The following DGKG variants were observed in gnomAD, a reference collection of about 807,000 sequenced individuals.
The protein encoded by DGKG is DAG kinase gamma.
DGKG carries 78 observed loss-of-function variants against 105.3 expected under a neutral mutation model. The observed-to-expected ratio is 0.74, with a 90% confidence interval of 0.62 to 0.89. The LOEUF is 0.89. Among genes scored for constraint, DGKG ranks in the 40% least tolerant of loss-of-function variants. The probability of loss-of-function intolerance (pLI) is 0.00; values close to 1 mark genes in which losing one functional copy is unlikely to be tolerated. For synonymous variants in DGKG, 346 were observed against 367.1 expected, an observed-to-expected ratio of 0.94 and a Z score of 0.66; for missense variants, 958 against 1,020.1, an observed-to-expected ratio of 0.94 and a Z score of 0.83.
chr3:186,314,284 T>C (rs923358191), intron 2 of DGKG, among the ~76,000 whole-genome samples: 5 of 152,026 alleles, frequency 3.3e-5, no homozygotes, highest in African/African-American at 1.2e-4. Context: ...TTGTTGTTGC[T>C]GAATTGAAGC....
chr3:186,186,848 G>A (rs1348355588), intron 22 of DGKG, among the ~76,000 whole-genome samples: 1 of 152,208 alleles, frequency 6.6e-6, no homozygotes, highest in Non-Finnish European at 1.5e-5. Context: ...TTTTGGGGCT[G>A]GGGTAGAGGT....
At chr3:186,222,795 C>T (rs545603163) in intron 20 of DGKG, among the ~76,000 whole-genome samples, 102 of 151,268 alleles carry the variant, frequency 6.7e-4, no homozygotes, top group African/African-American at 2.3e-3. Flanking sequence ...CTGGCCAATA[C>T]GGTGACACCC....
intron 24 of DGKG, chr3:186,160,268 T>G (rs1716231014): frequency 2.0e-6 from 2 of 985,284 alleles, no homozygotes; most frequent in Non-Finnish European, 2.4e-6. Context: ...CTTGAATTTA[T>G]AGGAATAGCA....
chr3:186,294,850 G>A (rs1293577362), intron 5 of DGKG, among the ~76,000 whole-genome samples: 2 of 152,174 alleles, frequency 1.3e-5, no homozygotes, highest in African/African-American at 4.8e-5. Flanking sequence ...GCAGGGCATG[G>A]ACGAGCCAGC....
intron 2 of DGKG, among the ~76,000 whole-genome samples, chr3:186,310,391 G>C (rs1160756006): frequency 6.6e-6 from 1 of 151,620 alleles, no homozygotes; most frequent in African/African-American, 2.4e-5. Context: ...GGCTTTCATA[G>C]GATTATAGTA....
chr3:186,163,899 G>A (rs1265506700), intron 23 of DGKG, among the ~76,000 whole-genome samples: 1 of 152,078 alleles, frequency 6.6e-6, no homozygotes, highest in Non-Finnish European at 1.5e-5. Context: ...ACCCCATCAT[G>A]ACAACAGCTC....
chr3:186,316,694 A>T (rs1304166315), intron 2 of DGKG, among the ~76,000 whole-genome samples: 3 of 152,214 alleles, frequency 2.0e-5, no homozygotes, highest in African/African-American at 7.2e-5. Context: ...CACCCTATAG[A>T]AGGTCACCAG....
chr3:186,180,361 C>T (rs995630498), intron 22 of DGKG, among the ~76,000 whole-genome samples: 9 of 152,032 alleles, frequency 5.9e-5, no homozygotes, highest in African/African-American at 2.2e-4. Flanking sequence ...ACAGCGTCTC[C>T]GTAGGCCTGC....
intron 1 of DGKG, among the ~76,000 whole-genome samples, chr3:186,323,077 C>T (rs1447841374): frequency 6.6e-6 from 1 of 152,198 alleles, no homozygotes; most frequent in Admixed American, 6.5e-5. Flanking sequence ...GCTTTGTTCT[C>T]CTCCCCTTGG....
intron 21 of DGKG, among the ~76,000 whole-genome samples, chr3:186,198,504 C>G (rs891551620): frequency 6.6e-6 from 1 of 152,230 alleles, no homozygotes. Context: ...CAGTCCCTGT[C>G]CTCAAGGTAC....
intron 5 of DGKG, among the ~76,000 whole-genome samples, chr3:186,296,205 G>C (rs1723555854): frequency 6.6e-6 from 1 of 152,066 alleles, no homozygotes; most frequent in Admixed American, 6.6e-5. Context: ...TGTGTGCCAG[G>C]CACTGTTCTA....
chr3:186,299,841 T>TTTCTTTCTTCTTTC (rs1446531456), intron 3 of DGKG, among the ~76,000 whole-genome samples: 1 of 74,614 alleles, frequency 1.3e-5, no homozygotes, highest in African/African-American at 5.9e-5. Context: ...TTCTTTCTTT[T>TTTCTTTCTTCTTTC]TTTTTTTTTT....
intron 1 of DGKG, among the ~76,000 whole-genome samples, chr3:186,342,409 G>A (rs900022911): frequency 9.9e-5 from 15 of 152,148 alleles, no homozygotes; most frequent in Middle Eastern, 3.2e-3. Context: ...TTACAGCAGT[G>A]AAAGTGGTCT....
intron 1 of DGKG, among the ~76,000 whole-genome samples, chr3:186,339,968 T>C (rs1422142380): frequency 6.6e-6 from 1 of 152,158 alleles, no homozygotes; most frequent in African/African-American, 2.4e-5. Flanking sequence ...CCTTACACAG[T>C]AGGATTAAAG....
At chr3:186,195,168 T>A (rs1388613241) in intron 21 of DGKG, among the ~76,000 whole-genome samples, 1 of 152,108 alleles carries the variant, frequency 6.6e-6, no homozygotes, top group Non-Finnish European at 1.5e-5. Flanking sequence ...AACCCCCGTG[T>A]ACCCCAAAAC....
chr3:186,193,897 C>A (rs1205315722), intron 21 of DGKG, among the ~76,000 whole-genome samples: 1 of 152,228 alleles, frequency 6.6e-6, no homozygotes, highest in East Asian at 1.9e-4. Flanking sequence ...GCCCTCCGAG[C>A]CGAGGCTGCG....
chr3:186,211,068 G>A (rs1482640535), intron 21 of DGKG, among the ~76,000 whole-genome samples: 9 of 152,220 alleles, frequency 5.9e-5, no homozygotes, highest in Admixed American at 3.9e-4. Flanking sequence ...GAGCCAGCAG[G>A]CAGACTGTCT....
intron 22 of DGKG, among the ~76,000 whole-genome samples, chr3:186,169,058 C>T (rs1320608639): frequency 1.3e-5 from 2 of 152,144 alleles, no homozygotes; most frequent in Non-Finnish European, 2.9e-5. Context: ...CAAATATGTA[C>T]ATTGTGGCAT....
intron 22 of DGKG, among the ~76,000 whole-genome samples, chr3:186,180,769 C>G (rs1717322181): frequency 6.6e-6 from 1 of 152,204 alleles, no homozygotes; most frequent in African/African-American, 2.4e-5. Context: ...CAGCTGATCT[C>G]TAGTTCCTCA....
Sources: allele counts gnomAD v4.1 joint callset (sites outside exome capture counted in the v4.1 genomes callset), GRCh38; gene constraint gnomAD v4.1.1; transcripts MANE v1.5; gene names NCBI Gene and HGNC (gene_info 2026-07-23, HGNC 2026-07-21).